The following CISTR variants were observed in gnomAD, a reference collection of about 807,000 sequenced individuals.
CISTR encodes chondrogenic regulator lncRNA.
chr12:53,750,797 G>C (rs975835385), exon 2 of CISTR: 1 of 153,280 alleles, frequency 6.5e-6, no homozygotes, highest in African/African-American at 2.4e-5. Context: ...GAAGGGCAGC[G>C]TGTGTGTTTT....
At chr12:53,750,288 G>A (rs1937832251) in intron 2 of CISTR, among the ~76,000 whole-genome samples, 1 of 152,214 alleles carries the variant, frequency 6.6e-6, no homozygotes, top group Non-Finnish European at 1.5e-5. Flanking sequence ...AACAGGGCAT[G>A]CAATAGATTA....
exon 3 of CISTR, among the ~76,000 whole-genome samples, chr12:53,746,377 C>T (rs1937780233): frequency 6.6e-6 from 1 of 152,150 alleles, no homozygotes; most frequent in Non-Finnish European, 1.5e-5. Context: ...TCAGGAGCTG[C>T]AGCTGACACA....
At chr12:53,752,535 G>T (rs899419202) in intron 1 of CISTR, among the ~76,000 whole-genome samples, 1 of 152,180 alleles carries the variant, frequency 6.6e-6, no homozygotes, top group African/African-American at 2.4e-5. Flanking sequence ...GGGAATTAGC[G>T]CTGTGATAAC....
At chr12:53,746,802 G>T (rs1937787059) in exon 3 of CISTR, among the ~76,000 whole-genome samples, 1 of 152,158 alleles carries the variant, frequency 6.6e-6, no homozygotes, top group Admixed American at 6.5e-5. Flanking sequence ...TTCGCAGATC[G>T]CTGCTGAGAA....
chr12:53,748,914 G>T (rs1937813780), intron 2 of CISTR, among the ~76,000 whole-genome samples: 3 of 152,280 alleles, frequency 2.0e-5, no homozygotes, highest in Admixed American at 2.0e-4. Context: ...GGCTCTGCTG[G>T]CCTTCCAGGG....
chr12:53,750,504 C>T (rs951992928), exon 2 of CISTR: 1 of 152,484 alleles, frequency 6.6e-6, no homozygotes, highest in African/African-American at 2.4e-5. Flanking sequence ...GATGCACTAA[C>T]GTGTCAGGTA....
chr12:53,753,869 G>T (rs1937886284), intron 1 of CISTR, among the ~76,000 whole-genome samples: 1 of 152,162 alleles, frequency 6.6e-6, no homozygotes, highest in African/African-American at 2.4e-5. Context: ...GTATAGGACA[G>T]CAATGTAAAA....
rs1011930367 is a variant in CISTR, at chr12:53,751,532, C to T, written n.415-567G>A. Among the ~76,000 whole-genome samples, 6 of 152,234 alleles carry T rather than the reference C, an allele frequency of 3.9e-5. No individual in the cohort carries two copies. The highest frequency in any genetic ancestry group is 1.4e-4 in the African/African-American group (6 of 41,546). ...AGGCCTGAACAATAAACAAGCTAAA[C>T]GAGGCGCGCAGGACTCCCTGGTGGG... On this transcript the variant is annotated intron_variant and non_coding_transcript_variant, in intron 1 of 2. Transcript: ENST00000669269. This position sits in a 1 kb window ranked among gnomAD's most constrained non-coding sequence, Gnocchi z 4.6.
chr12:53,748,651 T>A (rs1937808989), intron 2 of CISTR, among the ~76,000 whole-genome samples: 1 of 151,270 alleles, frequency 6.6e-6, no homozygotes, highest in Non-Finnish European at 1.5e-5. Context: ...CACAGAGGCA[T>A]GAGAAGGTCC....
rs1482320317 is a variant in CISTR, at chr12:53,751,145, A to G, written n.415-180T>C. 6.6e-6 allele frequency among the ~76,000 whole-genome samples: 1 copy of G among 151,682 alleles called. No homozygotes were observed. Among genetic ancestry groups the G allele is most frequent in the Non-Finnish European group, 1.5e-5 (1 of 67,908 alleles). ...CGGAGCAGGTGTGCCCACGCGCAAT[A>G]CCCTCCTGGCCCACAGGCCTCCGCA... On this transcript the variant is annotated intron_variant and non_coding_transcript_variant, in intron 1 of 2. Transcript: ENST00000669269. The surrounding 1 kb of genome is among the most constrained non-coding windows in gnomAD (Gnocchi z 4.6).
intron 1 of CISTR, among the ~76,000 whole-genome samples, chr12:53,755,509 T>C (rs780688326): frequency 6.6e-6 from 1 of 152,242 alleles, no homozygotes; most frequent in Non-Finnish European, 1.5e-5. Context: ...TCTGGCTCAA[T>C]GTCTTTTGTA....
chr12:53,749,208 A>G (rs1937817128), intron 2 of CISTR, among the ~76,000 whole-genome samples: 1 of 152,040 alleles, frequency 6.6e-6, no homozygotes, highest in South Asian at 2.1e-4. Context: ...AGAGAAAATG[A>G]TATTGAAAAA....
Position 53,751,423 on chromosome 12 carries a change from G to T in CISTR, n.415-458C>A, listed in dbSNP as rs1398315543. Among the ~76,000 whole-genome samples the T allele has an allele frequency of 6.6e-6, 1 of 152,214 alleles. No individual in the cohort carries two copies. The highest frequency in any genetic ancestry group is 1.5e-5 in the Non-Finnish European group (1 of 68,032). ...GTCGCCTCCCACCCCCCTTCCGGCC[G>T]CGGCAGTTTCCGAAATCGCCCGGCG... is the stretch of plus-strand genomic sequence containing the variant. On this transcript the variant is annotated intron_variant and non_coding_transcript_variant, in intron 1 of 2. Coordinates refer to ENST00000669269, the Ensembl canonical transcript of CISTR. This position sits in a 1 kb window ranked among gnomAD's most constrained non-coding sequence, Gnocchi z 4.6.
At position 53,751,175 on chromosome 12, in the gene CISTR, C is replaced by T. The variant is rs976244573; in HGVS notation, n.415-210G>A. On this transcript the variant is annotated intron_variant and non_coding_transcript_variant, in intron 1 of 2. Transcript: ENST00000669269. This position sits in a 1 kb window ranked among gnomAD's most constrained non-coding sequence, Gnocchi z 4.6. ...CCTGGCCCACAGGCCTCCGCACGCA[C>T]AGGACACACACACACACTCTCTCCT... Among the ~76,000 whole-genome samples, 3 of 152,086 alleles carry T rather than the reference C, an allele frequency of 2.0e-5. No individual in the cohort carries two copies. Among genetic ancestry groups the T allele is most frequent in the Non-Finnish European group, 4.4e-5 (3 of 67,986 alleles).
chr12:53,746,932 G>A (rs139547085), intron 2 of CISTR, among the ~76,000 whole-genome samples: 1 of 152,328 alleles, frequency 6.6e-6, no homozygotes, highest in East Asian at 1.9e-4. Context: ...AGTTTTGGAG[G>A]CATTCACAAC....
At chr12:53,752,194 A>G (rs528432308) in intron 1 of CISTR, among the ~76,000 whole-genome samples, 2 of 150,164 alleles carry the variant, frequency 1.3e-5, no homozygotes, top group South Asian at 4.3e-4. Flanking sequence ...GCCTCTCTCC[A>G]CCCTCTGTCT....
intron 1 of CISTR, chr12:53,755,840 C>T (rs1407411183): frequency 6.6e-6 from 1 of 152,452 alleles, no homozygotes; most frequent in Non-Finnish European, 1.5e-5. Flanking sequence ...CATGTCTCAC[C>T]AGCTGTCTTC....
intron 2 of CISTR, among the ~76,000 whole-genome samples, chr12:53,749,433 G>A (rs1313352590): frequency 1.3e-5 from 2 of 151,758 alleles, no homozygotes; most frequent in Non-Finnish European, 2.9e-5. Context: ...AGGGAAGGCA[G>A]GCAGGGCACC....
rs1937849169 is a variant in CISTR at position 53,751,434 on chromosome 12, C to A, written n.415-469G>T. Among the ~76,000 whole-genome samples, 1 of 152,216 alleles carries A rather than the reference C, an allele frequency of 6.6e-6. No individual in the cohort carries two copies. The highest frequency in any genetic ancestry group is 1.5e-5 in the Non-Finnish European group (1 of 68,024). The stretch of plus-strand genomic sequence containing the variant: ...CCCCCCTTCCGGCCGCGGCAGTTTC[C>A]GAAATCGCCCGGCGGCCGCGAATTC... On this transcript the variant is annotated intron_variant and non_coding_transcript_variant, in intron 1 of 2. Coordinates refer to ENST00000669269, the Ensembl canonical transcript of CISTR. This position sits in a 1 kb window ranked among gnomAD's most constrained non-coding sequence, Gnocchi z 4.6.
Sources: allele counts gnomAD v4.1 joint callset (sites outside exome capture counted in the v4.1 genomes callset), GRCh38; gene constraint gnomAD v4.1.1; non-coding constraint Gnocchi (gnomAD v3.1); transcripts MANE v1.5; gene names NCBI Gene and HGNC (gene_info 2026-07-23, HGNC 2026-07-21).